Variants in MID1 observed in about 807,000 individuals in gnomAD.
MID1 encodes E3 ubiquitin-protein ligase Midline-1.
Under a neutral mutation model 40.4 loss-of-function variants are expected in MID1, and 7 were observed. That is an observed-to-expected ratio of 0.17 (90% confidence interval 0.10 to 0.33). The LOEUF (loss-of-function observed/expected upper bound fraction) is 0.33. MID1 is among the 10% of genes least tolerant of loss of function. The probability of loss-of-function intolerance (pLI) is 1.00; values close to 1 mark genes in which losing one functional copy is unlikely to be tolerated. For missense variants in MID1, 367 were observed against 558.5 expected (o/e 0.66, Z 3.46); for synonymous variants, 229 against 221.2 (o/e 1.04, Z -0.31).
chrX:10,744,698 A>G (rs1357093734), intron 1 of MID1, among the ~76,000 whole-genome samples: 1 of 110,984 alleles, frequency 9.0e-6, no homozygotes, highest in African/African-American at 3.3e-5. Context: ...AATGTAACCT[A>G]CATGCATGCT....
At chrX:10,681,398 G>A (rs1217976247) in intron 1 of MID1, among the ~76,000 whole-genome samples, 3 of 111,904 alleles carry the variant, frequency 2.7e-5, no homozygotes, top group Non-Finnish European at 5.6e-5. Flanking sequence ...AAGTCTAGAG[G>A]CTGCAGTCAT....
At chrX:10,467,243 G>C (rs1055683572) in intron 7 of MID1, among the ~76,000 whole-genome samples, 3 of 111,958 alleles carry the variant, frequency 2.7e-5, no homozygotes, top group African/African-American at 9.7e-5. Context: ...CATTGTGTAT[G>C]ATATGCACAT....
chrX:10,534,522 T>C (rs1294979809), intron 2 of MID1, among the ~76,000 whole-genome samples: 1 of 112,339 alleles, frequency 8.9e-6, no homozygotes, highest in Non-Finnish European at 1.9e-5. Flanking sequence ...AAGTATGATT[T>C]CCTTTTTTTC....
At chrX:10,788,141 G>C (rs2043900832) in intron 1 of MID1, among the ~76,000 whole-genome samples, 1 of 112,011 alleles carries the variant, frequency 8.9e-6, no homozygotes, top group Admixed American at 9.5e-5. Flanking sequence ...CAGAGAAACT[G>C]ATTAGCAGAA....
rs142928186 is a variant in MID1 at position 10,506,179 on chromosome X, C to A, written c.757-10488G>T. ...TTTGATGTCCAGTGATTCACATGTACGTTTATTCAAACACAATGAAAGAGA... is the reference window on the plus strand; with the variant it reads ...TTTGATGTCCAGTGATTCACATGTAAGTTTATTCAAACACAATGAAAGAGA... On this transcript the variant is annotated intron_variant, in intron 3 of 9. Coordinates refer to ENST00000317552, the MANE Select transcript of MID1 (RefSeq NM_000381.4). 1.7e-5 allele frequency: 16 copies of A among 929,727 alleles called. No homozygotes were observed. The African/African-American group carries it at 2.7e-4, about 15-fold the overall frequency. 76.6% of individuals were successfully genotyped at this position (929,727 alleles called of 1,213,427 possible).
chrX:10,565,738 T>A (rs2147465008), intron 2 of MID1, among the ~76,000 whole-genome samples: 1 of 111,664 alleles, frequency 9.0e-6, no homozygotes, highest in South Asian at 3.8e-4. Context: ...TTGCCTGAAA[T>A]TGAACAAACA....
chrX:10,508,334 G>T (rs765136804), intron 3 of MID1, among the ~76,000 whole-genome samples: 7 of 112,485 alleles, frequency 6.2e-5, no homozygotes, highest in Non-Finnish European at 1.1e-4. Context: ...AATATGAAAT[G>T]CATACATTAA....
At chrX:10,480,496 G>T in intron 5 of MID1, among the ~76,000 whole-genome samples, 2 of 112,540 alleles carry the variant, frequency 1.8e-5, no homozygotes. Context: ...TTCATAGATG[G>T]AGAAAAGTAC....
chrX:10,717,623 A>G (rs1229758991), intron 1 of MID1, among the ~76,000 whole-genome samples: 6 of 110,449 alleles, frequency 5.4e-5, no homozygotes, highest in Non-Finnish European at 9.5e-5. Context: ...CACTGTCAAC[A>G]TTAGACAGAC....
intron 2 of MID1, among the ~76,000 whole-genome samples, chrX:10,547,325 C>T (rs1019920606): frequency 3.6e-5 from 4 of 110,110 alleles, no homozygotes; most frequent in African/African-American, 6.6e-5. Flanking sequence ...GTAATCCCAG[C>T]GCTTTGGGAG....
At chrX:10,625,108 C>T (rs772708136), upstream of MID1, among the ~76,000 whole-genome samples, 1 of 111,709 alleles carries the variant, frequency 9.0e-6, no homozygotes, top group Admixed American at 9.5e-5. Context: ...AGTCAGGGCT[C>T]TCCAGAGAAA....
intron 1 of MID1, among the ~76,000 whole-genome samples, chrX:10,667,384 T>C (rs751494198): frequency 8.9e-6 from 1 of 111,762 alleles, no homozygotes; most frequent in Admixed American, 9.5e-5. Context: ...GCTAATCATG[T>C]CCCACCAGAC....
chrX:10,579,372 C>A (rs1418018164), intron 1 of MID1, among the ~76,000 whole-genome samples: 1 of 111,499 alleles, frequency 9.0e-6, no homozygotes, highest in Non-Finnish European at 1.9e-5. Context: ...AAAGTACACA[C>A]CCTCCCCTTC....
At chrX:10,773,751 C>T (rs953424043) in intron 1 of MID1, among the ~76,000 whole-genome samples, 1 of 111,857 alleles carries the variant, frequency 8.9e-6, no homozygotes, top group Admixed American at 9.5e-5. Context: ...TAGTCCACTG[C>T]AAAAATAAGT....
At chrX:10,460,271 A>G (rs1028633767) in intron 7 of MID1, among the ~76,000 whole-genome samples, 1 of 111,423 alleles carries the variant, frequency 9.0e-6, no homozygotes, top group African/African-American at 3.3e-5. Flanking sequence ...CAGCTTTACC[A>G]TGCAGCCAAC....
Position 10,577,827 on chromosome X carries a change from G to GA in MID1, c.-56-10225dup, listed in dbSNP as rs59954286. Among the ~76,000 whole-genome samples, 163 of 50,625 alleles carry GA rather than the reference G, an allele frequency of 3.2e-3. 1 individual carries two copies. Among genetic ancestry groups the GA allele is most frequent in the Admixed American group, 8.5e-3 (37 of 4,373 alleles). 44.0% of individuals were successfully genotyped at this position (50,625 alleles called of 115,157 possible). ...GGAAGGGGAAGTAGTCTTCCTAAAA[G>GA]AAAAAAAAAAAAAAAAAGTCCTGCG... On this transcript the variant is annotated intron_variant, in intron 1 of 9. Transcript: ENST00000317552.
chrX:10,768,759 T>C (rs1420365266), intron 1 of MID1, among the ~76,000 whole-genome samples: 5 of 111,904 alleles, frequency 4.5e-5, no homozygotes, highest in Non-Finnish European at 7.5e-5. Flanking sequence ...GGCATAAACT[T>C]TGGAGGACAT....
At chrX:10,491,652 A>T (rs1266380988) in intron 4 of MID1, among the ~76,000 whole-genome samples, 3 of 112,025 alleles carry the variant, frequency 2.7e-5, no homozygotes, top group Non-Finnish European at 5.6e-5. Flanking sequence ...TTACTTCTAC[A>T]TTTAAAAAAT....
At chrX:10,677,889 T>C (rs1347904965) in intron 1 of MID1, 2 of 110,305 alleles carry the variant, frequency 1.8e-5, no homozygotes, top group Non-Finnish European at 3.8e-5. Flanking sequence ...GCCATCTCAA[T>C]AGCAAAAATG....
Sources: allele counts gnomAD v4.1 joint callset (sites outside exome capture counted in the v4.1 genomes callset), GRCh38; gene constraint gnomAD v4.1.1; transcripts MANE v1.5; gene names NCBI Gene and HGNC (gene_info 2026-07-23, HGNC 2026-07-21).